Variants in RHAG observed in about 807,000 individuals in gnomAD.
The protein encoded by RHAG is Rh associated glycoprotein.
In RHAG, 25 loss-of-function variants were observed where a neutral mutation model predicts 42.4. The ratio of observed to expected loss-of-function variants is 0.59; its 90% confidence interval spans 0.43 to 0.82. RHAG has a LOEUF of 0.82. Among genes scored for constraint, RHAG ranks in the 40% least tolerant of loss-of-function variants. The probability of loss-of-function intolerance (pLI) is 0.00; values close to 1 mark genes in which losing one functional copy is unlikely to be tolerated. For missense variants in RHAG, 483 were observed against 504.6 expected (o/e 0.96, Z 0.41); for synonymous variants, 182 against 177.7 (o/e 1.02, Z -0.19).
Position 49,614,872 on chromosome 6 carries a change from G to A in RHAG, c.641-19C>T, listed in dbSNP as rs766025530. 3 of 1,612,624 alleles carry A rather than the reference G, an allele frequency of 1.9e-6. No individual in the cohort carries two copies. The highest frequency in any genetic ancestry group is 1.7e-5 in the Admixed American group (1 of 60,030). On this transcript the variant is annotated intron_variant, in intron 4 of 9. Transcript: ENST00000371175. ...AGAGTCCCTGTAGTGAACCAAAAGAGGGGATATTAGTTCTGAATATGGAAG... is the reference window on the plus strand; with the variant it reads ...AGAGTCCCTGTAGTGAACCAAAAGAAGGGATATTAGTTCTGAATATGGAAG...
At chr6:49,614,068 T>A (rs2127351656) in intron 5 of RHAG, among the ~76,000 whole-genome samples, 1 of 152,328 alleles carries the variant, frequency 6.6e-6, no homozygotes, top group African/African-American at 2.4e-5. Flanking sequence ...TGGGAGCAGT[T>A]AACTCTATTA....
chr6:49,623,394 T>TAAG (rs1491195105), intron 1 of RHAG, among the ~76,000 whole-genome samples: 6 of 152,054 alleles, frequency 3.9e-5, no homozygotes, highest in Non-Finnish European at 1.5e-5. Context: ...TTTAAGAGTT[T>TAAG]GTGGGTGGGG....
At chr6:49,617,584 A>G (rs1231693943) in intron 3 of RHAG, among the ~76,000 whole-genome samples, 1 of 152,166 alleles carries the variant, frequency 6.6e-6, no homozygotes, top group Non-Finnish European at 1.5e-5. Flanking sequence ...ATGCCCCTAA[A>G]TGTTCTTTAT....
rs1774142703 is a variant in RHAG at position 49,605,372 on chromosome 6, C to T, written c.*441G>A. Reference sequence around the variant, plus strand: ...AAAATCATCATATTACTACTTTACACACATGCATTTCTTTAATTATTTTTT... The same window carrying T: ...AAAATCATCATATTACTACTTTACATACATGCATTTCTTTAATTATTTTTT... On this transcript the variant is annotated 3_prime_UTR_variant, in exon 10 of 10. Transcript: ENST00000371175. The T allele has an allele frequency of 1.4e-5, 3 of 217,892 alleles. No homozygotes were observed. The highest frequency in any genetic ancestry group is 1.0e-4 in the Admixed American group (2 of 19,278). 13.5% of individuals were successfully genotyped at this position (217,892 alleles called of 1,614,324 possible). A position where few individuals can be genotyped will look rare whatever the true frequency, so the allele number is the denominator to read the frequency against.
At chr6:49,606,376 C>T (rs181834848) in intron 9 of RHAG, among the ~76,000 whole-genome samples, 1 of 152,164 alleles carries the variant, frequency 6.6e-6, no homozygotes, top group Admixed American at 6.5e-5. Context: ...CTTTTTATGG[C>T]TCTCAGAGGA....
At chr6:49,617,307 C>T (rs1188104733) in intron 3 of RHAG, among the ~76,000 whole-genome samples, 1 of 152,206 alleles carries the variant, frequency 6.6e-6, no homozygotes. Context: ...CTTCCAGTTA[C>T]ACTTTCTCAT....
intron 1 of RHAG, among the ~76,000 whole-genome samples, chr6:49,625,389 T>C (rs1444689152): frequency 6.6e-6 from 1 of 152,234 alleles, no homozygotes; most frequent in Non-Finnish European, 1.5e-5. Context: ...AACTTTACCA[T>C]AGGTATTTCT....
intron 7 of RHAG, among the ~76,000 whole-genome samples, chr6:49,607,527 TAATA>T (rs1562011509): frequency 6.6e-6 from 1 of 152,210 alleles, no homozygotes; most frequent in Non-Finnish European, 1.5e-5. Context: ...CTGATTCATT[TAATA>T]AATATTGAGT....
At chr6:49,613,315 C>CCA (rs1027383607) in intron 5 of RHAG, among the ~76,000 whole-genome samples, 44 of 152,142 alleles carry the variant, frequency 2.9e-4, no homozygotes, top group African/African-American at 1.0e-3. Flanking sequence ...GGTGATCCAC[C>CCA]CACCTTGGCC....
intron 1 of RHAG, 92 bp from the exon 2 acceptor site, chr6:49,619,454 C>G (rs1762716509): frequency 8.9e-7 from 1 of 1,125,512 alleles, no homozygotes; most frequent in South Asian, 1.3e-5. Context: ...GTGCTACCAC[C>G]TTTGTATAAC....
chr6:49,626,705 C>A (rs1447024706), intron 1 of RHAG, among the ~76,000 whole-genome samples: 2 of 152,224 alleles, frequency 1.3e-5, no homozygotes, highest in Admixed American at 1.3e-4. Context: ...CATTTCCCTT[C>A]TGCACTGCCC....
intron 5 of RHAG, among the ~76,000 whole-genome samples, chr6:49,612,824 G>A (rs958649088): frequency 1.3e-5 from 2 of 152,144 alleles, no homozygotes; most frequent in Admixed American, 6.5e-5. Context: ...TAGTGGGAGG[G>A]TAGGAGTGTT....
At chr6:49,625,590 T>C (rs1441399885) in intron 1 of RHAG, among the ~76,000 whole-genome samples, 1 of 152,158 alleles carries the variant, frequency 6.6e-6, no homozygotes, top group Admixed American at 6.5e-5. Flanking sequence ...CAGGATACAA[T>C]TTCACCATCA....
chr6:49,629,048 A>G (rs1365407166), intron 1 of RHAG, among the ~76,000 whole-genome samples: 3 of 152,112 alleles, frequency 2.0e-5, no homozygotes, highest in African/African-American at 4.8e-5. Flanking sequence ...TGGTGCATTT[A>G]CAATCCCTGA....
intron 1 of RHAG, among the ~76,000 whole-genome samples, chr6:49,620,101 C>G (rs192430042): frequency 6.6e-6 from 1 of 152,258 alleles, no homozygotes; most frequent in East Asian, 1.9e-4. Context: ...AGGCTGTATC[C>G]TCTTGAGTAA....
intron 1 of RHAG, among the ~76,000 whole-genome samples, chr6:49,632,372 T>A (rs759656484): frequency 3.3e-5 from 5 of 152,192 alleles, no homozygotes; most frequent in Non-Finnish European, 7.3e-5. Flanking sequence ...AATGAGGCTA[T>A]CATCTCAATT....
At chr6:49,635,756 G>A (rs940138188) in intron 1 of RHAG, among the ~76,000 whole-genome samples, 3 of 151,904 alleles carry the variant, frequency 2.0e-5, no homozygotes, top group Admixed American at 2.0e-4. Flanking sequence ...CTCAAAAAAT[G>A]TTGGAATAAA....
At position 49,607,136 on chromosome 6, in the gene RHAG, C is replaced by A. The variant is rs955920049; in HGVS notation, c.1138+14G>T. 1.9e-6 allele frequency: 3 copies of A among 1,607,712 alleles called. No individual in the cohort carries two copies. The highest frequency in any genetic ancestry group is 3.3e-4 in the Middle Eastern group (2 of 5,998). ...AGCATAAGATACAGGGAAGTGTTCA[C>A]TTTTTATGCTGACCTGTCATCAGAC... On this transcript the variant is annotated intron_variant, in intron 8 of 9. Coordinates refer to ENST00000371175, the MANE Select transcript of RHAG (RefSeq NM_000324.3).
At position 49,605,515 on chromosome 6, in the gene RHAG, C is replaced by A. The variant is rs1031680298; in HGVS notation, c.*298G>T. 8 of 472,618 alleles carry A rather than the reference C, an allele frequency of 1.7e-5. No individual in the cohort carries two copies. The highest frequency in any genetic ancestry group is 3.1e-5 in the Non-Finnish European group (8 of 258,148). The allele number at this position is 472,618 out of a possible 1,614,324, so 29.3% of individuals were successfully genotyped here. On this transcript the variant is annotated 3_prime_UTR_variant, in exon 10 of 10. Transcript: ENST00000371175. ...ATGTTTACTCTGTATTTACTCACTGCCAAAAGCTTTTTGGGAATCCTGGAG... is the reference window on the plus strand; with the variant it reads ...ATGTTTACTCTGTATTTACTCACTGACAAAAGCTTTTTGGGAATCCTGGAG...
Sources: gnomAD v4.1 joint callset for allele counts (sites outside exome capture counted in the v4.1 genomes callset) on GRCh38, gnomAD v4.1.1 for gene constraint, MANE v1.5 for transcripts, NCBI Gene and HGNC (gene_info 2026-07-23, HGNC 2026-07-21) for gene names.